SLC28A1: variants seen among roughly 807,000 people sequenced by gnomAD.
SLC28A1 encodes solute carrier family 28 member 1, also known as sodium/nucleoside cotransporter 1.
Under a neutral mutation model 74.8 loss-of-function variants are expected in SLC28A1, and 64 were observed. The ratio of observed to expected loss-of-function variants is 0.86; its 90% CI spans 0.70 to 1.05. The LOEUF is 1.05. Ranked by LOEUF, SLC28A1 falls within the 50% of genes least tolerant of loss-of-function variation. The probability of loss-of-function intolerance (pLI) is 0.00; values close to 1 mark genes in which losing one functional copy is unlikely to be tolerated. For synonymous variants in SLC28A1, 359 were observed against 335.0 expected, an observed-to-expected ratio of 1.07 and a Z score of -0.78; for missense variants, 828 against 822.8, an observed-to-expected ratio of 1.01 and a Z score of -0.08.
At chr15:84,964,235 G>C in the SLC28A1 span, among the ~76,000 whole-genome samples, 2 of 147,196 alleles carry the variant, frequency 1.4e-5, no homozygotes, top group Admixed American at 1.6e-4. Flanking sequence ...GTCTAGTGAG[G>C]GAGGAAGGGA....
chr15:84,889,906 G>A (rs1211734297), intron 4 of SLC28A1, among the ~76,000 whole-genome samples: 1 of 148,354 alleles, frequency 6.7e-6, no homozygotes, highest in African/African-American at 2.5e-5. Context: ...CTGGGCTGGA[G>A]TGCAGTGGCA....
In SLC28A1 at chr15:84,943,468, G is replaced by A. The variant is rs147715805; in HGVS notation, c.1605G>A (p.Thr535=). Residue 535 remains threonine, a synonymous_variant, in exon 16 of 19, where the codon ACG becomes ACA. Transcript: ENST00000394573. ...AGGTCAGAGCTGAAGTCCTCACGACGTTTGCCCTCTGTGGATTTGCCAATT... is the reference window on the plus strand; with the variant it reads ...AGGTCAGAGCTGAAGTCCTCACGACATTTGCCCTCTGTGGATTTGCCAATT... ...WISVRAEVLT[T]FALCGFANFS... 1.8e-4 allele frequency: 293 copies of A among 1,614,034 alleles called. No homozygotes were observed. The highest frequency in any genetic ancestry group is 1.9e-4 in the Non-Finnish European group (223 of 1,179,910).
In SLC28A1 at chr15:84,933,126, T is replaced by G; in HGVS notation, c.1084-19T>G. The G allele has an allele frequency of 6.2e-7, 1 of 1,612,084 alleles. No homozygotes were observed. The highest frequency in any genetic ancestry group is 8.5e-7 in the Non-Finnish European group (1 of 1,178,918). ...TTCTTCTGACTGTCCACCTAGAACC[T>G]GCACTCTCACTCTTGCAGATCGATG... On this transcript the variant is annotated intron_variant, in intron 12 of 18. Transcript: ENST00000394573.
intron 9 of SLC28A1, among the ~76,000 whole-genome samples, chr15:84,912,677 T>A (rs1180255660): frequency 6.6e-6 from 1 of 152,124 alleles, no homozygotes; most frequent in African/African-American, 2.4e-5. Flanking sequence ...AGCTTAGCAG[T>A]GCTGCTCAGA....
intron 15 of SLC28A1, chr15:84,940,871 T>C (rs1007566762): frequency 3.4e-5 from 6 of 177,944 alleles, no homozygotes; most frequent in Admixed American, 3.2e-4. Context: ...ATGCTGGAAC[T>C]TCTTTTTTGT....
At chr15:84,964,269 TGGGAAGGAAGGATGGAAGGAAGGA>T in the SLC28A1 span, among the ~76,000 whole-genome samples, 5 of 151,530 alleles carry the variant, frequency 3.3e-5, no homozygotes, top group African/African-American at 1.2e-4. Flanking sequence ...GATAAGGGCA[TGGGAAGGAAGGATGGAAGGAAGGA>T]GGGAAGGAAG....
At position 84,897,976 on chromosome 15, in the gene SLC28A1, TA is replaced by T. The variant is rs1414655167; in HGVS notation, c.461+2854del. ...AAATAACAGGATTTCATTGTTTTTTTATGGCTGAATAATATTCCATTGTGTA... is the reference window on the plus strand; with the variant it reads ...AAATAACAGGATTTCATTGTTTTTTTTGGCTGAATAATATTCCATTGTGTA... On this transcript the variant is annotated intron_variant, in intron 6 of 18. Coordinates refer to ENST00000394573, the MANE Select transcript of SLC28A1 (RefSeq NM_004213.5). Among the ~76,000 whole-genome samples, 7 of 152,346 alleles carry T rather than the reference TA, an allele frequency of 4.6e-5. No individual in the cohort carries two copies. In the East Asian group the frequency reaches 1.3e-3, roughly 29 times the overall value.
the SLC28A1 span, among the ~76,000 whole-genome samples, chr15:84,963,038 G>A: frequency 1.9e-4 from 29 of 152,162 alleles, no homozygotes; most frequent in South Asian, 2.5e-3. Flanking sequence ...CCAGCCTGAC[G>A]CCTCAGCACT....
At chr15:84,939,382 GA>G (rs578163926) in intron 15 of SLC28A1, among the ~76,000 whole-genome samples, 3,748 of 151,856 alleles carry the variant, frequency 0.025, 78 homozygotes, top group Non-Finnish European at 0.042. Flanking sequence ...GGGAGGGAGG[GA>G]AAAAGACAGC....
chr15:84,926,709 C>T (rs531045603), intron 12 of SLC28A1, among the ~76,000 whole-genome samples: 7 of 143,758 alleles, frequency 4.9e-5, no homozygotes, highest in African/African-American at 1.6e-4. Context: ...GTGAGGTGGC[C>T]TGTATGTGCT....
chr15:84,947,190 C>T (rs1258397800), downstream of SLC28A1, among the ~76,000 whole-genome samples: 2 of 152,250 alleles, frequency 1.3e-5, no homozygotes, highest in Non-Finnish European at 2.9e-5. Flanking sequence ...GAGGCTTGGC[C>T]TGACTCCTGT....
At chr15:84,890,603 G>C (rs116326425) in intron 5 of SLC28A1, 69 bp downstream of exon 5, 2 of 1,268,828 alleles carry the variant, frequency 1.6e-6, no homozygotes, top group South Asian at 2.5e-5. Context: ...TCTCAGGGCA[G>C]GGTCATTCAC....
intron 6 of SLC28A1, among the ~76,000 whole-genome samples, chr15:84,897,880 C>T (rs547532386): frequency 6.6e-6 from 1 of 152,352 alleles, no homozygotes; most frequent in Admixed American, 6.5e-5. Flanking sequence ...TGGGAACACA[C>T]AGTATTTGTC....
At chr15:84,898,059 A>G (rs1445765056) in intron 6 of SLC28A1, among the ~76,000 whole-genome samples, 1 of 151,716 alleles carries the variant, frequency 6.6e-6, no homozygotes, top group African/African-American at 2.4e-5. Flanking sequence ...GGTTGATTCC[A>G]TAGTTTGGCT....
intron 10 of SLC28A1, 132 bp downstream of exon 10, chr15:84,918,736 C>G: frequency 3.9e-6 from 3 of 769,918 alleles, no homozygotes; most frequent in Admixed American, 3.6e-5. Flanking sequence ...CACACCCTTC[C>G]AGAGTCCCCT....
At chr15:84,938,110 G>T (rs1230999278) in intron 15 of SLC28A1, among the ~76,000 whole-genome samples, 2 of 149,628 alleles carry the variant, frequency 1.3e-5, no homozygotes, top group Non-Finnish European at 3.0e-5. Context: ...TGGGGCAAGA[G>T]ACTCTCTTGA....
intron 5 of SLC28A1, 129 bp downstream of exon 5, chr15:84,890,663 T>TGGA: frequency 1.3e-6 from 1 of 777,884 alleles, no homozygotes; most frequent in Non-Finnish European, 2.2e-6. Context: ...CAGGTCCAGC[T>TGGA]CCCTTGCTGG....
the SLC28A1 span, among the ~76,000 whole-genome samples, chr15:84,969,280 A>C: frequency 2.6e-5 from 4 of 152,176 alleles, no homozygotes; most frequent in African/African-American, 9.7e-5. Context: ...AGAGCACCGA[A>C]TTTATACAAG....
chr15:84,922,524 C>G (rs554446128), intron 11 of SLC28A1, among the ~76,000 whole-genome samples: 9 of 152,166 alleles, frequency 5.9e-5, no homozygotes, highest in African/African-American at 2.2e-4. Flanking sequence ...TACAACCCCC[C>G]GCTGCCCGGG....
Sources: gnomAD v4.1 joint callset for allele counts (sites outside exome capture counted in the v4.1 genomes callset) on GRCh38, gnomAD v4.1.1 for gene constraint, MANE v1.5 for transcripts, NCBI Gene and HGNC (gene_info 2026-07-23, HGNC 2026-07-21) for gene names.